FGD4: variants seen among roughly 807,000 people sequenced by gnomAD.
FGD4 encodes the protein FYVE, RhoGEF and PH domain containing 4, also known as FYVE, RhoGEF and PH domain-containing protein 4.
A neutral mutation model predicts 102.0 loss-of-function variants in FGD4; 42 were observed. The ratio of observed to expected loss-of-function variants is 0.41; its 90% CI spans 0.32 to 0.53. The LOEUF (loss-of-function observed/expected upper bound fraction) is 0.53, where lower values mean the gene tolerates loss of function less well. FGD4 is among the 20% of genes least tolerant of loss of function. FGD4 has a pLI of 0.21. For synonymous variants in FGD4, 380 were observed against 375.7 expected, an observed-to-expected ratio of 1.01 and a Z score of -0.13; for missense variants, 902 against 1,078.2, an observed-to-expected ratio of 0.84 and a Z score of 2.29.
In FGD4 at chr12:32,506,566, A is replaced by G. The variant is rs1938766701; in HGVS notation, c.167-57571A>G. Among the ~76,000 whole-genome samples the G allele has an allele frequency of 6.6e-6, 1 of 152,142 alleles. No individual in the cohort carries two copies. Among genetic ancestry groups the G allele is most frequent in the Non-Finnish European group, 1.5e-5 (1 of 68,022 alleles). On this transcript the variant is annotated intron_variant, in intron 1 of 16. Transcript: ENST00000534526. The surrounding 1 kb of genome is among the most constrained non-coding windows in gnomAD (Gnocchi z 4.5). ...CTTTCCTGTGGGCCTTTCCACAGGT[A>G]TACGACCCGCACTTGCATACTTAAT... is the stretch of plus-strand genomic sequence containing the variant.
At chr12:32,431,167 G>C (rs1156388485) in intron 1 of FGD4, among the ~76,000 whole-genome samples, 1 of 152,208 alleles carries the variant, frequency 6.6e-6, no homozygotes, top group Non-Finnish European at 1.5e-5. Flanking sequence ...CTTGTAGAGA[G>C]CAGCTGTCAT....
At chr12:32,585,077 CTGGTG>C (rs1372216696) in intron 4 of FGD4, among the ~76,000 whole-genome samples, 1 of 151,406 alleles carries the variant, frequency 6.6e-6, no homozygotes. Flanking sequence ...AAAAAATTAG[CTGGTG>C]TGGTGTCATG....
At chr12:32,542,326 C>T (rs1942910775) in intron 1 of FGD4, among the ~76,000 whole-genome samples, 2 of 152,100 alleles carry the variant, frequency 1.3e-5, no homozygotes, top group Non-Finnish European at 2.9e-5. Flanking sequence ...AAAAATAAAC[C>T]AGCAAAGTAG....
chr12:32,468,409 C>G (rs983127406), intron 1 of FGD4, among the ~76,000 whole-genome samples: 8 of 152,114 alleles, frequency 5.3e-5, no homozygotes, highest in Non-Finnish European at 8.8e-5. Flanking sequence ...GCTCATGTAG[C>G]AGCTTATGAT....
chr12:32,565,402 CTTATAGCA>C (rs1355865559), intron 2 of FGD4, among the ~76,000 whole-genome samples: 1 of 152,172 alleles, frequency 6.6e-6, no homozygotes, highest in Non-Finnish European at 1.5e-5. Flanking sequence ...ACACTGCTCC[CTTATAGCA>C]TTGACGTGAA....
At chr12:32,528,428 G>T (rs57830844) in intron 1 of FGD4, among the ~76,000 whole-genome samples, 2 of 151,680 alleles carry the variant, frequency 1.3e-5, no homozygotes, top group African/African-American at 2.4e-5. Context: ...TCGCTCTGTC[G>T]CCCAGGCTGG....
At chr12:32,631,002 A>T (rs1442584319) in intron 14 of FGD4, among the ~76,000 whole-genome samples, 1 of 152,076 alleles carries the variant, frequency 6.6e-6, no homozygotes, top group Admixed American at 6.6e-5. Context: ...TAAAAAAAAA[A>T]TTATATAAAC....
rs10844252 is a variant in FGD4 at position 32,610,641 on chromosome 12, G to T, written c.1544-135G>T. 7 of 747,852 alleles carry T rather than the reference G, an allele frequency of 9.4e-6. No homozygotes were observed. In the African/African-American group the frequency reaches 1.1e-4, roughly 11 times the overall value. The allele number at this position is 747,852 out of a possible 1,614,324, so 46.3% of individuals were successfully genotyped here. On this transcript the variant is annotated intron_variant, in intron 8 of 16. Transcript: ENST00000534526. ...AAATGAACTTTAGAAAGTATATACC[G>T]TTTATAAATGGAAAATGCCACTATT... is the stretch of plus-strand genomic sequence containing the variant.
rs1303607395 is a variant in FGD4 at position 32,506,152 on chromosome 12, C to A, written c.167-57985C>A. 6.6e-6 allele frequency among the ~76,000 whole-genome samples: 1 copy of A among 152,178 alleles called. No homozygotes were observed. The highest frequency in any genetic ancestry group is 1.5e-5 in the Non-Finnish European group (1 of 68,022). On this transcript the variant is annotated intron_variant, in intron 1 of 16. Coordinates refer to ENST00000534526, the MANE Select transcript of FGD4 (RefSeq NM_001370298.3). This position sits in a 1 kb window ranked among gnomAD's most constrained non-coding sequence, Gnocchi z 4.5. ...CGTAGGGCAAGATCAGCTTAACATC[C>A]TACACTGTTGTCTTTAAGAGGAGCA...
chr12:32,504,712 G>C (rs1381287030), intron 1 of FGD4, among the ~76,000 whole-genome samples: 1 of 152,172 alleles, frequency 6.6e-6, no homozygotes, highest in South Asian at 2.1e-4. Context: ...CATGTAAAAG[G>C]ATTATGTAGA....
intron 1 of FGD4, chr12:32,501,910 C>A: frequency 5.6e-6 from 2 of 357,722 alleles, no homozygotes; most frequent in Non-Finnish European, 7.8e-6. Flanking sequence ...GGAGTTTGTA[C>A]CACCAAGGGT....
At chr12:32,606,255 A>G (rs1041325325) in intron 7 of FGD4, among the ~76,000 whole-genome samples, 7 of 151,470 alleles carry the variant, frequency 4.6e-5, no homozygotes, top group Admixed American at 2.6e-4. Context: ...GGCCCTTATT[A>G]TTTTCTTCCT....
chr12:32,507,639 G>A (rs1202235931), intron 1 of FGD4, among the ~76,000 whole-genome samples: 1 of 152,158 alleles, frequency 6.6e-6, no homozygotes, highest in Non-Finnish European at 1.5e-5. Flanking sequence ...GAGAGCATGG[G>A]AACGCATTTA....
chr12:32,501,279 A>G (rs1938199005), intron 1 of FGD4, among the ~76,000 whole-genome samples: 1 of 152,182 alleles, frequency 6.6e-6, no homozygotes, highest in Admixed American at 6.5e-5. Context: ...TGGTGTCAAT[A>G]ATGGACATTT....
chr12:32,538,817 G>T (rs1389193828), intron 1 of FGD4, among the ~76,000 whole-genome samples: 1 of 152,120 alleles, frequency 6.6e-6, no homozygotes, highest in Non-Finnish European at 1.5e-5. Context: ...ACTTTGGGAG[G>T]CCAAGGAGGG....
chr12:32,478,550 G>A (rs1943642683), intron 1 of FGD4, among the ~76,000 whole-genome samples: 2 of 152,202 alleles, frequency 1.3e-5, no homozygotes, highest in African/African-American at 4.8e-5. Flanking sequence ...ACAGATGTGA[G>A]CCGTTGTGCC....
chr12:32,636,974 A>G (rs1425512073), intron 15 of FGD4, among the ~76,000 whole-genome samples: 3 of 149,664 alleles, frequency 2.0e-5, no homozygotes, highest in Non-Finnish European at 4.4e-5. Flanking sequence ...CGGTCCAAGC[A>G]ATTCTTATGT....
At chr12:32,584,672 T>C (rs1394246726) in intron 4 of FGD4, among the ~76,000 whole-genome samples, 2 of 152,252 alleles carry the variant, frequency 1.3e-5, no homozygotes, top group South Asian at 2.1e-4. Flanking sequence ...GATATAGGTA[T>C]ATTCCCTTGT....
chr12:32,412,502 G>T (rs933541190), intron 1 of FGD4, among the ~76,000 whole-genome samples: 2 of 152,298 alleles, frequency 1.3e-5, no homozygotes, highest in East Asian at 1.9e-4. Flanking sequence ...TATAGGCTGG[G>T]TATGGTGGCC....
Sources: allele counts gnomAD v4.1 joint callset (sites outside exome capture counted in the v4.1 genomes callset), GRCh38; gene constraint gnomAD v4.1.1; non-coding constraint Gnocchi (gnomAD v3.1); transcripts MANE v1.5; gene names NCBI Gene and HGNC (gene_info 2026-07-23, HGNC 2026-07-21).